The following AGAP1 variants were observed in gnomAD, a reference collection of about 807,000 sequenced individuals.
AGAP1 encodes the protein arf-GAP with GTPase, ANK repeat and PH domain-containing protein 1.
In AGAP1, 29 loss-of-function variants were observed where a neutral mutation model predicts 105.3. The observed-to-expected ratio is 0.28, with a 90% CI of 0.21 to 0.38. The LOEUF (loss-of-function observed/expected upper bound fraction) is 0.38. AGAP1 is among the 10% of genes least tolerant of loss of function. The probability of loss-of-function intolerance (pLI) is 1.00; values close to 1 mark genes in which losing one functional copy is unlikely to be tolerated. For synonymous variants in AGAP1, 509 were observed against 485.9 expected, an observed-to-expected ratio of 1.05 and a Z score of -0.63; for missense variants, 998 against 1,165.1, an observed-to-expected ratio of 0.86 and a Z score of 2.09.
At position 235,686,658 on chromosome 2, in the gene AGAP1, T is replaced by G. The variant is rs567509703; in HGVS notation, c.164-22521T>G. On this transcript the variant is annotated intron_variant, in intron 1 of 17. Coordinates refer to ENST00000304032, the MANE Select transcript of AGAP1 (RefSeq NM_001037131.3). ...ATATATATATATAGATATATATATA[T>G]ATATATATTTTTTTTTTTTTTTAGA... Among the ~76,000 whole-genome samples the G allele has an allele frequency of 4.0e-3, 235 of 58,786 alleles. 5 individuals carry two copies. The highest frequency in any genetic ancestry group is 5.2e-3 in the Non-Finnish European group (176 of 33,896). 38.6% of individuals were successfully genotyped at this position (58,786 alleles called of 152,430 possible).
chr2:235,680,218 A>T (rs564691532), intron 1 of AGAP1, among the ~76,000 whole-genome samples: 21 of 152,366 alleles, frequency 1.4e-4, no homozygotes, highest in Non-Finnish European at 2.2e-4. Context: ...TATTCATAGA[A>T]GAGTGGTAAA....
At position 236,114,837 on chromosome 2, in the gene AGAP1, A is replaced by G. The variant is rs1015358766; in HGVS notation, c.2115-5355A>G. Reference sequence around the variant, plus strand: ...GATACGACTCAGCCTCTAACATCCAAGAAGCCCTTAAACATCTCAAGGCTA... The same window carrying G: ...GATACGACTCAGCCTCTAACATCCAGGAAGCCCTTAAACATCTCAAGGCTA... On this transcript the variant is annotated intron_variant, in intron 16 of 17. Coordinates refer to ENST00000304032, the MANE Select transcript of AGAP1 (RefSeq NM_001037131.3). This position sits in a 1 kb window ranked among gnomAD's most constrained non-coding sequence, Gnocchi z 5.0. Among the ~76,000 whole-genome samples, 1 of 152,184 alleles carries G rather than the reference A, an allele frequency of 6.6e-6. No individual in the cohort carries two copies. Among genetic ancestry groups the G allele is most frequent in the Non-Finnish European group, 1.5e-5 (1 of 68,026 alleles).
At chr2:235,584,994 T>C (rs1324150196) in intron 1 of AGAP1, among the ~76,000 whole-genome samples, 1 of 149,912 alleles carries the variant, frequency 6.7e-6, no homozygotes, top group Non-Finnish European at 1.5e-5. Context: ...ACAGTGCTGC[T>C]GCTGCTGCCC....
rs1239047098 is a variant in AGAP1 at position 235,843,066 on chromosome 2, A to G, written c.1050+35735A>G. On this transcript the variant is annotated intron_variant, in intron 9 of 17. Transcript: ENST00000304032. The surrounding 1 kb of genome is among the most constrained non-coding windows in gnomAD (Gnocchi z 5.9). ...TGTGAAGTTGAGGACACGGGTCTTC[A>G]TAATGAAACAGAAGTGCTCATTGTC... Among the ~76,000 whole-genome samples the G allele has an allele frequency of 6.6e-6, 1 of 152,192 alleles. No individual in the cohort carries two copies. The highest frequency in any genetic ancestry group is 2.4e-5 in the African/African-American group (1 of 41,454).
rs549006883 is a variant in AGAP1 at position 236,113,260 on chromosome 2, C to T, written c.2115-6932C>T. On this transcript the variant is annotated intron_variant, in intron 16 of 17. Transcript: ENST00000304032. The surrounding 1 kb of genome is among the most constrained non-coding windows in gnomAD (Gnocchi z 4.3). ...GGTTCAAGCAATTCTCTGCCTCAGC[C>T]CCCCCGAGTAGCTGGGATTACAGGC... Among the ~76,000 whole-genome samples the T allele has an allele frequency of 1.5e-4, 18 of 123,852 alleles. No homozygotes were observed. In the South Asian group the frequency reaches 3.7e-3, roughly 26 times the overall value. The allele number at this position is 123,852 out of a possible 152,430, so 81.3% of individuals were successfully genotyped here.
In AGAP1 at chr2:235,573,053, T is replaced by TC. The variant is rs1559259006; in HGVS notation, c.163+78205dup. Reference sequence around the variant, plus strand: ...TTCTTCTTCTTCTTCTTCTTCTTCTTCTTCTTCTTTCTTCTTTCTTCTTTC... The same window carrying TC: ...TTCTTCTTCTTCTTCTTCTTCTTCTTCCTTCTTCTTTCTTCTTTCTTCTTTC... On this transcript the variant is annotated intron_variant, in intron 1 of 17. Transcript: ENST00000304032. Among the ~76,000 whole-genome samples, 465 of 12,310 alleles carry TC rather than the reference T, an allele frequency of 0.038. 92 individuals carry two copies. The East Asian group carries it at 0.39, about 10-fold the overall frequency. The allele number at this position is 12,310 out of a possible 152,430, so 8.1% of individuals were successfully genotyped here.
intron 1 of AGAP1, among the ~76,000 whole-genome samples, chr2:235,523,884 C>G (rs1435744395): frequency 6.6e-6 from 1 of 151,976 alleles, no homozygotes; most frequent in African/African-American, 2.4e-5. Flanking sequence ...CACCCTGTGA[C>G]CTGACCAGGG....
chr2:236,086,291 C>T (rs935558431), intron 16 of AGAP1, among the ~76,000 whole-genome samples: 5 of 152,196 alleles, frequency 3.3e-5, no homozygotes, highest in Non-Finnish European at 7.3e-5. Context: ...TTGAAATTCT[C>T]AGAAGGCGAG....
intron 1 of AGAP1, among the ~76,000 whole-genome samples, chr2:235,708,302 C>T (rs561755597): frequency 3.3e-5 from 5 of 152,280 alleles, no homozygotes; most frequent in African/African-American, 7.2e-5. Context: ...ATGTGTTGCC[C>T]GAGCTGCCAT....
chr2:235,857,579 TAC>T (rs1450034021), intron 9 of AGAP1, among the ~76,000 whole-genome samples: 1 of 152,206 alleles, frequency 6.6e-6, no homozygotes, highest in Admixed American at 6.5e-5. Flanking sequence ...CAGAAGTGGA[TAC>T]ACCAAGAACA....
chr2:235,686,650 TATATA>T (rs1949445544), intron 1 of AGAP1, among the ~76,000 whole-genome samples: 1 of 45,926 alleles, frequency 2.2e-5, no homozygotes, highest in African/African-American at 1.2e-4. Flanking sequence ...TATATAGATA[TATATA>T]TATATATATA....
chr2:235,668,345 A>G (rs1948198141), intron 1 of AGAP1, among the ~76,000 whole-genome samples: 1 of 152,240 alleles, frequency 6.6e-6, no homozygotes, highest in East Asian at 1.9e-4. Context: ...TGCCACTTCC[A>G]GTGTCGTGAA....
chr2:235,671,741 C>T lies in AGAP1; in HGVS notation c.164-37438C>T, dbSNP rs547169476. On this transcript the variant is annotated intron_variant, in intron 1 of 17. Transcript: ENST00000304032. ...GTAGGCTAGCAAAAGGGCAGGAAAA[C>T]CGCAGCCCTGCAGCCTGTTCTGAAA... is the stretch of plus-strand genomic sequence containing the variant. Among the ~76,000 whole-genome samples, 4 of 152,352 alleles carry T rather than the reference C, an allele frequency of 2.6e-5. No individual in the cohort carries two copies. The South Asian group carries it at 8.3e-4, about 32-fold the overall frequency.
rs1295562071 is a variant in AGAP1, at chr2:235,625,355, C to A, written c.164-83824C>A. ...AGGTGTGAAGACCTGCGCATGTGGA[C>A]AGTTTGAAAGCCTAGCTGAGGCAGC... On this transcript the variant is annotated intron_variant, in intron 1 of 17. Transcript: ENST00000304032. This position sits in a 1 kb window ranked among gnomAD's most constrained non-coding sequence, Gnocchi z 4.0. Among the ~76,000 whole-genome samples the A allele has an allele frequency of 6.6e-6, 1 of 152,142 alleles. No homozygotes were observed. The highest frequency in any genetic ancestry group is 2.4e-5 in the African/African-American group (1 of 41,422).
chr2:235,881,285 G>T (rs2050011465), intron 9 of AGAP1, among the ~76,000 whole-genome samples: 1 of 152,078 alleles, frequency 6.6e-6, no homozygotes, highest in Admixed American at 6.5e-5. Flanking sequence ...TGTAATTCTT[G>T]AAAGATAGCA....
chr2:235,850,234 G>T (rs1032772017), intron 9 of AGAP1, among the ~76,000 whole-genome samples: 1 of 152,266 alleles, frequency 6.6e-6, no homozygotes, highest in African/African-American at 2.4e-5. Context: ...AGATGTGCGT[G>T]TTCCAACTCT....
Position 235,979,126 on chromosome 2 carries a change from TTTG to T in AGAP1, c.1645+10512_1645+10514del, listed in dbSNP as rs1051644099. ...GACAGAAGTGTATTTGTGGGGTTTT[TTTG>T]TTGTTGTTTTTGTTTTTTTTTTTTT... On this transcript the variant is annotated intron_variant, in intron 13 of 17. Transcript: ENST00000304032. This position sits in a 1 kb window ranked among gnomAD's most constrained non-coding sequence, Gnocchi z 4.5. Among the ~76,000 whole-genome samples, 7 of 151,180 alleles carry T rather than the reference TTTG, an allele frequency of 4.6e-5. No individual in the cohort carries two copies. Among genetic ancestry groups the T allele is most frequent in the Non-Finnish European group, 1.0e-4 (7 of 67,996 alleles).
At chr2:235,915,945 G>A (rs1333000300) in intron 11 of AGAP1, among the ~76,000 whole-genome samples, 1 of 152,060 alleles carries the variant, frequency 6.6e-6, no homozygotes, top group Non-Finnish European at 1.5e-5. Context: ...ACCTACAAAA[G>A]AAGAGAAATC....
rs574454788 is a variant in AGAP1 at position 235,808,394 on chromosome 2, T to C, written c.1050+1063T>C. ...GGGAGAGTCTTTCCACACATGGAGT[T>C]GGATTATTCTGGTGGTGCAGGTTTC... On this transcript the variant is annotated intron_variant, in intron 9 of 17. Coordinates refer to ENST00000304032, the MANE Select transcript of AGAP1 (RefSeq NM_001037131.3). Among the ~76,000 whole-genome samples, 345 of 152,308 alleles carry C rather than the reference T, an allele frequency of 2.3e-3. 8 individuals are homozygous for C. The South Asian group carries it at 0.07, about 31-fold the overall frequency.
Sources: gnomAD v4.1 joint callset for allele counts (sites outside exome capture counted in the v4.1 genomes callset) on GRCh38, gnomAD v4.1.1 for gene constraint, Gnocchi (gnomAD v3.1) non-coding constraint, MANE v1.5 for transcripts, NCBI Gene and HGNC (gene_info 2026-07-23, HGNC 2026-07-21) for gene names.